The following RARB variants were observed in gnomAD, a reference collection of about 807,000 sequenced individuals.
RARB encodes retinoic acid receptor beta, also known as HBV-activated protein.
Under a neutral mutation model 51.9 loss-of-function variants are expected in RARB, and 17 were observed. The ratio of observed to expected loss-of-function variants is 0.33; its 90% CI spans 0.22 to 0.49. The LOEUF is 0.49. Ranked by LOEUF, RARB falls within the 20% of genes least tolerant of loss-of-function variation. The probability of loss-of-function intolerance (pLI) is 0.99; values close to 1 mark genes in which losing one functional copy is unlikely to be tolerated. For synonymous variants in RARB, 215 were observed against 195.4 expected (o/e 1.10, Z -0.84); for missense variants, 369 against 550.8 (o/e 0.67, Z 3.30).
chr3:25,243,261 T>TA (rs1268453230), intron 5 of RARB, among the ~76,000 whole-genome samples: 1 of 152,106 alleles, frequency 6.6e-6, no homozygotes, highest in Non-Finnish European at 1.5e-5. Context: ...AAAACAGAGA[T>TA]AATTTGACTT....
intron 5 of RARB, among the ~76,000 whole-genome samples, chr3:25,372,388 A>G (rs1377222256): frequency 6.6e-6 from 1 of 152,256 alleles, no homozygotes; most frequent in Non-Finnish European, 1.5e-5. Context: ...CTCCCACATG[A>G]AAACCACTGA....
chr3:24,929,480 T>A (rs766111119), intron 2 of RARB, among the ~76,000 whole-genome samples: 1 of 152,136 alleles, frequency 6.6e-6, no homozygotes, highest in African/African-American at 2.4e-5. Context: ...CTATCACTTA[T>A]GAAAGAGCAA....
chr3:25,121,815 C>G (rs1699789110), intron 3 of RARB, among the ~76,000 whole-genome samples: 1 of 152,128 alleles, frequency 6.6e-6, no homozygotes. Context: ...CCTAAAAACA[C>G]TAGGAATAAT....
At chr3:24,896,144 G>A (rs1703475143) in intron 2 of RARB, among the ~76,000 whole-genome samples, 1 of 152,180 alleles carries the variant, frequency 6.6e-6, no homozygotes, top group African/African-American at 2.4e-5. Flanking sequence ...ACTTATATGA[G>A]CAACCTGGAA....
intron 5 of RARB, among the ~76,000 whole-genome samples, chr3:25,176,594 C>T (rs1700759396): frequency 6.6e-6 from 1 of 151,396 alleles, no homozygotes; most frequent in Non-Finnish European, 1.5e-5. Context: ...CGTGGATTCA[C>T]CATGTTGGCC....
chr3:25,259,277 T>G (rs1468458509), intron 5 of RARB, among the ~76,000 whole-genome samples: 2 of 152,176 alleles, frequency 1.3e-5, no homozygotes, highest in Non-Finnish European at 2.9e-5. Flanking sequence ...AGACAGAGAC[T>G]GGATCTCCCA....
intron 3 of RARB, among the ~76,000 whole-genome samples, chr3:25,547,451 C>T (rs1334235826): frequency 3.3e-5 from 5 of 152,160 alleles, no homozygotes; most frequent in Non-Finnish European, 5.9e-5. Flanking sequence ...CACTACTGTT[C>T]CCAGGAACAT....
At chr3:25,564,388 G>A (rs1026491381) in intron 3 of RARB, among the ~76,000 whole-genome samples, 6 of 152,072 alleles carry the variant, frequency 3.9e-5, no homozygotes, top group Admixed American at 1.3e-4. Context: ...ACATCAGGCC[G>A]GGTTCTATCA....
chr3:24,887,463 G>A (rs901438219), intron 2 of RARB, among the ~76,000 whole-genome samples: 6 of 152,202 alleles, frequency 3.9e-5, no homozygotes. Flanking sequence ...ACAGTATTGA[G>A]TGTACCTTCT....
chr3:25,287,625 C>T (rs1419686270), intron 5 of RARB, among the ~76,000 whole-genome samples: 1 of 152,166 alleles, frequency 6.6e-6, no homozygotes, highest in Non-Finnish European at 1.5e-5. Flanking sequence ...TTCTGACTTC[C>T]TTTGTATGGG....
intron 2 of RARB, among the ~76,000 whole-genome samples, chr3:24,881,916 A>T (rs1703174056): frequency 6.6e-6 from 1 of 152,220 alleles, no homozygotes; most frequent in African/African-American, 2.4e-5. Flanking sequence ...AACTAGACCA[A>T]AAATATTGAC....
At chr3:25,107,123 A>G in intron 3 of RARB, among the ~76,000 whole-genome samples, 2 of 152,008 alleles carry the variant, frequency 1.3e-5, no homozygotes, top group South Asian at 4.2e-4. Flanking sequence ...CTGGTCATGA[A>G]CTCCTGACCT....
chr3:25,069,824 A>G (rs961407813), intron 3 of RARB, among the ~76,000 whole-genome samples: 2 of 152,220 alleles, frequency 1.3e-5, no homozygotes, highest in Non-Finnish European at 2.9e-5. Context: ...CAAAATGAAC[A>G]GTACATTATG....
At chr3:25,231,523 A>G (rs6792184) in intron 5 of RARB, among the ~76,000 whole-genome samples, 16,367 of 152,182 alleles carry the variant, frequency 0.11, 1,025 homozygotes, top group South Asian at 0.26. Flanking sequence ...TTACTCCTCT[A>G]AGAAGTTAAG....
rs1249900444 is a variant in RARB at position 25,170,010 on chromosome 3, AAAG to A, written c.-279-4106_-279-4104del. Among the ~76,000 whole-genome samples, 37 of 112,536 alleles carry A rather than the reference AAAG, an allele frequency of 3.3e-4. No individual in the cohort carries two copies. The South Asian group carries it at 0.012, about 35-fold the overall frequency. The allele number at this position is 112,536 out of a possible 152,430, so 73.8% of individuals were successfully genotyped here. A position where few individuals can be genotyped will look rare whatever the true frequency, so the allele number is the denominator to read the frequency against. On this transcript the variant is annotated intron_variant, in intron 4 of 11. Coordinates refer to the RARB transcript ENST00000383772. ...TTCTTAAAAAAAAAAAAAAAAAAAG[AAAG>A]AAAAAAAAAAAGAAATTGAAGTACT...
chr3:24,882,062 G>T (rs999617874), intron 2 of RARB, among the ~76,000 whole-genome samples: 1 of 152,148 alleles, frequency 6.6e-6, no homozygotes, highest in African/African-American at 2.4e-5. Context: ...AAGTCTAATA[G>T]TGACTTGTAT....
chr3:25,337,027 C>G (rs904416965), intron 5 of RARB, among the ~76,000 whole-genome samples: 30 of 152,116 alleles, frequency 2.0e-4, no homozygotes, highest in African/African-American at 7.2e-4. Context: ...AGTCGCTGCC[C>G]TCACAGAAAT....
chr3:25,523,579 T>C (rs1252803899), intron 3 of RARB, among the ~76,000 whole-genome samples: 3 of 152,156 alleles, frequency 2.0e-5, no homozygotes, highest in African/African-American at 7.2e-5. Flanking sequence ...ATGCTATTCT[T>C]TGGAGAGGGG....
At chr3:24,872,423 T>C (rs1702964449) in intron 2 of RARB, among the ~76,000 whole-genome samples, 1 of 152,312 alleles carries the variant, frequency 6.6e-6, no homozygotes, top group Non-Finnish European at 1.5e-5. Context: ...TATAAAGGAA[T>C]ACCTGAGACT....
Sources: allele counts gnomAD v4.1 joint callset (sites outside exome capture counted in the v4.1 genomes callset), GRCh38; gene constraint gnomAD v4.1.1; transcripts MANE v1.5; gene names NCBI Gene and HGNC (gene_info 2026-07-23, HGNC 2026-07-21).